The following VDAC2 variants were observed in gnomAD, a reference collection of about 807,000 sequenced individuals.
VDAC2 encodes the protein voltage dependent anion channel 2.
Under a neutral mutation model 36.6 loss-of-function variants are expected in VDAC2, and 6 were observed. The ratio of observed to expected loss-of-function variants is 0.16; its 90% CI spans 0.09 to 0.32. The LOEUF (loss-of-function observed/expected upper bound fraction) is 0.32, where lower values mean the gene tolerates loss of function less well. Among genes scored for constraint, VDAC2 ranks in the 10% least tolerant of loss-of-function variants. The pLI is 1.00. For missense variants in VDAC2, 247 were observed against 346.0 expected (o/e 0.71, Z 2.27); for synonymous variants, 109 against 123.8 (o/e 0.88, Z 0.79).
At chr10:75,228,056 G>A (rs537544984) in intron 8 of VDAC2, among the ~76,000 whole-genome samples, 21 of 151,060 alleles carry the variant, frequency 1.4e-4, no homozygotes, top group African/African-American at 4.6e-4. Flanking sequence ...CACCACGCCC[G>A]GCTAATTTTT....
chr10:75,228,547 G>A (rs754685844), intron 8 of VDAC2, among the ~76,000 whole-genome samples: 1 of 152,200 alleles, frequency 6.6e-6, no homozygotes, highest in African/African-American at 2.4e-5. Flanking sequence ...CAGCCACTGC[G>A]CCAGGCCTGT....
intron 7 of VDAC2, 172 bp downstream of exon 7, chr10:75,221,142 T>C (rs1841801547): frequency 1.6e-6 from 1 of 620,188 alleles, no homozygotes; most frequent in Admixed American, 3.4e-5. Flanking sequence ...AGAAGACTGT[T>C]AGTCTGACCT....
chr10:75,211,462 T>G (rs1841417994), intron 2 of VDAC2: 2 of 1,503,396 alleles, frequency 1.3e-6, no homozygotes, highest in Non-Finnish European at 1.8e-6. Context: ...AGTTGTTAAT[T>G]GGGGATTCTG....
In VDAC2 at chr10:75,212,104, G is replaced by A. The variant is rs548972398; in HGVS notation, c.32-126G>A. 1.4e-5 allele frequency: 11 copies of A among 794,626 alleles called. No homozygotes were observed. The East Asian group carries it at 1.9e-4, about 14-fold the overall frequency. The allele number at this position is 794,626 out of a possible 1,614,324, so 49.2% of individuals were successfully genotyped here. A position where few individuals can be genotyped will look rare whatever the true frequency, so the allele number is the denominator to read the frequency against. On this transcript the variant is annotated intron_variant, in intron 2 of 9. Transcript: ENST00000332211. ...TATAGTTCTATTGTAGCTCCTGACCGCATAAAAAACATTCCAACAAATGGG... is the reference window on the plus strand; with the variant it reads ...TATAGTTCTATTGTAGCTCCTGACCACATAAAAAACATTCCAACAAATGGG...
At chr10:75,228,695 A>G (rs191752810) in intron 8 of VDAC2, among the ~76,000 whole-genome samples, 1 of 152,234 alleles carries the variant, frequency 6.6e-6, no homozygotes, top group Non-Finnish European at 1.5e-5. Flanking sequence ...GATGTTACAC[A>G]TTATAAGAGT....
At chr10:75,214,840 G>A (rs1169825703) in intron 4 of VDAC2, among the ~76,000 whole-genome samples, 1 of 150,336 alleles carries the variant, frequency 6.7e-6, no homozygotes, top group African/African-American at 2.4e-5. Context: ...TATTTTTAAA[G>A]AGGTTAATAT....
chr10:75,221,074 C>T, intron 7 of VDAC2, 104 bp downstream of exon 7: 1 of 1,183,622 alleles, frequency 8.4e-7, no homozygotes, highest in Non-Finnish European at 1.2e-6. Flanking sequence ...TTTCTCATAA[C>T]ATTTAAAAAC....
At chr10:75,213,332 G>A (rs778287634) in intron 3 of VDAC2, among the ~76,000 whole-genome samples, 3 of 151,958 alleles carry the variant, frequency 2.0e-5, no homozygotes, top group South Asian at 2.1e-4. Context: ...TGCCTGCCTC[G>A]ACTACCCGAA....
chr10:75,222,201 G>A, intron 7 of VDAC2, 51 bp from the exon 8 acceptor site: 1 of 1,546,482 alleles, frequency 6.5e-7, no homozygotes, highest in Non-Finnish European at 8.8e-7. Context: ...CTGTGCCTTA[G>A]ACATTATTAC....
intron 4 of VDAC2, chr10:75,217,790 C>T (rs532087156): frequency 3.0e-6 from 2 of 663,072 alleles, no homozygotes; most frequent in Middle Eastern, 3.2e-4. Context: ...TTGTCTCTAA[C>T]AGCAGAGCAA....
At chr10:75,230,342 A>G (rs1451608431) in intron 9 of VDAC2, among the ~76,000 whole-genome samples, 3 of 152,196 alleles carry the variant, frequency 2.0e-5, no homozygotes, top group African/African-American at 7.2e-5. Flanking sequence ...ATTAACAATT[A>G]TTAACATTTA....
rs146198712 is a variant in VDAC2 at position 75,217,062 on chromosome 10, C to A, written c.151-2001C>A. On this transcript the variant is annotated intron_variant, in intron 4 of 9. Transcript: ENST00000332211. ...TTGAGCCCAGGAGTTCTGAGACTCA[C>A]CTGGGCAACATAGTGAGACCCCGTC... is the stretch of plus-strand genomic sequence containing the variant. Among the ~76,000 whole-genome samples the A allele has an allele frequency of 9.0e-3, 1,369 of 151,838 alleles. 33 individuals are homozygous for A. Among genetic ancestry groups the A allele is most frequent in the Non-Finnish European group, 6.5e-3 (440 of 67,936 alleles).
intron 4 of VDAC2, 50 bp from the exon 5 acceptor site, chr10:75,219,013 G>A (rs1426576271): frequency 8.9e-6 from 14 of 1,567,778 alleles, no homozygotes; most frequent in African/African-American, 1.4e-5. Flanking sequence ...AGGCAGTGAT[G>A]AATTCTAGGC....
At chr10:75,224,378 T>C (rs1479113698) in intron 8 of VDAC2, among the ~76,000 whole-genome samples, 1 of 151,982 alleles carries the variant, frequency 6.6e-6, no homozygotes, top group African/African-American at 2.4e-5. Context: ...GATGTCAGGA[T>C]TGGGATTTGC....
intron 8 of VDAC2, among the ~76,000 whole-genome samples, chr10:75,228,891 G>A (rs1842032121): frequency 6.6e-6 from 1 of 152,226 alleles, no homozygotes; most frequent in African/African-American, 2.4e-5. Flanking sequence ...GTAGAGAATG[G>A]AGCTAGAAAG....
At chr10:75,223,072 C>T (rs1342553579) in intron 8 of VDAC2, among the ~76,000 whole-genome samples, 1 of 151,808 alleles carries the variant, frequency 6.6e-6, no homozygotes, top group East Asian at 1.9e-4. Context: ...CCTCCGCCTC[C>T]TGGGTTCAAG....
intron 8 of VDAC2, among the ~76,000 whole-genome samples, chr10:75,227,988 G>A (rs1842008668): frequency 6.6e-6 from 1 of 151,116 alleles, no homozygotes; most frequent in African/African-American, 2.4e-5. Context: ...TCCGCCTCCC[G>A]GGTTCACGCC....
At position 75,230,961 on chromosome 10, in the gene VDAC2, T is replaced by C. The variant is rs965145751; in HGVS notation, c.857T>C (p.Val286Ala). ...AGCATTAATGCTGGAGGCCACAAGG[T>C]TGGGCTCGCCCTGGAGTTGGAGGCT... is the stretch of plus-strand genomic sequence containing the variant. ...GKSINAGGHK[V>A]GLALELEA is the part of the protein sequence containing the mutation. The change falls in exon 10 of 10, where the codon GTT (valine) becomes GCT (alanine). Residue 286 changes from valine to alanine, a missense_variant. Transcript: ENST00000332211. The C allele has an allele frequency of 6.2e-7, 1 of 1,612,966 alleles. No homozygotes were observed. Among genetic ancestry groups the C allele is most frequent in the Non-Finnish European group, 8.5e-7 (1 of 1,179,756 alleles).
Position 75,229,653 on chromosome 10 carries a change from A to G in VDAC2, c.745A>G (p.Asn249Asp). 6.2e-7 allele frequency: 1 copy of G among 1,604,642 alleles called. No individual in the cohort carries two copies. Residue 249 changes from asparagine to aspartate, a missense_variant, in exon 9 of 10, where the codon AAC becomes GAC. Asn to Asp is a conservative substitution (Grantham distance 23). Coordinates refer to ENST00000332211, the MANE Select transcript of VDAC2 (RefSeq NM_001391963.1). ...DPTASISAKV[N>D]NSSLIGVGYT... ...TTGTATTTTATTTTAGGCAAAAGTC[A>G]ACAACTCTAGCTTAATTGGAGTAGG...
Sources: gnomAD v4.1 joint callset for allele counts (sites outside exome capture counted in the v4.1 genomes callset) on GRCh38, gnomAD v4.1.1 for gene constraint, MANE v1.5 for transcripts, NCBI Gene and HGNC (gene_info 2026-07-23, HGNC 2026-07-21) for gene names.